The following ZNHIT6 variants were observed in gnomAD, a reference collection of about 807,000 sequenced individuals.
The protein encoded by ZNHIT6 is box C/D snoRNA protein 1.
In ZNHIT6, 45 loss-of-function variants were observed where a neutral mutation model predicts 57.2. The observed-to-expected ratio is 0.79, with a 90% CI of 0.62 to 1.01. The LOEUF is 1.01. ZNHIT6 is among the 50% of genes least tolerant of loss of function. The pLI is 0.00. For missense variants in ZNHIT6, 528 were observed against 567.3 expected, an observed-to-expected ratio of 0.93 and a Z score of 0.70; for synonymous variants, 188 against 190.0, an observed-to-expected ratio of 0.99 and a Z score of 0.09.
At position 85,652,279 on chromosome 1, in the gene ZNHIT6, T is replaced by C. The variant is rs1159896954; in HGVS notation, c.*1779A>G. 1 of 152,202 alleles carries C rather than the reference T, an allele frequency of 6.6e-6. No homozygotes were observed. The highest frequency in any genetic ancestry group is 1.5e-5 in the Non-Finnish European group (1 of 68,022). 9.4% of individuals were successfully genotyped at this position (152,202 alleles called of 1,614,324 possible). ...TTTGTATACGTTATCCCACTTCTCC[T>C]AATAACAACACGTTTCACTCAATTC... On this transcript the variant is annotated 3_prime_UTR_variant, in exon 10 of 10. Coordinates refer to ENST00000370574, the MANE Select transcript of ZNHIT6 (RefSeq NM_017953.4).
chr1:85,707,448 G>A (rs1361253723), intron 1 of ZNHIT6, among the ~76,000 whole-genome samples, 181 bp downstream of exon 1: 1 of 152,058 alleles, frequency 6.6e-6, no homozygotes, highest in Non-Finnish European at 1.5e-5. Context: ...AATTTGTTGT[G>A]TTGTCATGTA....
intron 1 of ZNHIT6, 95 bp from the exon 2 acceptor site, chr1:85,706,602 A>T: frequency 4.5e-6 from 5 of 1,116,096 alleles, no homozygotes; most frequent in Non-Finnish European, 6.1e-6. Flanking sequence ...CTCAGTGACA[A>T]GTAACTGATA....
chr1:85,659,526 A>G (rs1423738456), intron 8 of ZNHIT6, among the ~76,000 whole-genome samples: 1 of 152,226 alleles, frequency 6.6e-6, no homozygotes, highest in Non-Finnish European at 1.5e-5. Context: ...TCTCCTGCTC[A>G]AAAAAGCACA....
intron 8 of ZNHIT6, among the ~76,000 whole-genome samples, chr1:85,667,974 A>ATATATATATATATATT: frequency 9.1e-6 from 1 of 110,118 alleles, no homozygotes; most frequent in Non-Finnish European, 1.9e-5. Flanking sequence ...ATATATATAT[A>ATATATATATATATATT]TATATATATA....
Position 85,708,224 on chromosome 1 carries a change from C to G in ZNHIT6, c.61G>C (p.Gly21Arg), listed in dbSNP as rs1047141907. 9 of 1,613,494 alleles carry G rather than the reference C, an allele frequency of 5.6e-6. No homozygotes were observed. Among genetic ancestry groups the G allele is most frequent in the East Asian group, 2.2e-5 (1 of 44,870 alleles). ...CCAGGCTCTGGACTTAGCCGCACCC[C>G]CTCAGCTACGCTGTGGAGACCTCCC... Reference protein sequence around the residue: ...SGGGLHSVAEGVRLSPEPGRE... With the variant: ...SGGGLHSVAERVRLSPEPGRE... Residue 21 changes from glycine (G) to arginine (R), a missense_variant, in exon 1 of 10, where the codon GGG becomes CGG. Transcript: ENST00000370574.
At chr1:85,668,346 T>A (rs1661446816) in intron 8 of ZNHIT6, among the ~76,000 whole-genome samples, 1 of 152,132 alleles carries the variant, frequency 6.6e-6, no homozygotes, top group African/African-American at 2.4e-5. Flanking sequence ...TTTTCCCCCA[T>A]TTATCAACTT....
intron 8 of ZNHIT6, among the ~76,000 whole-genome samples, chr1:85,667,961 A>AAAAAAAAAAAAAATATATATAT: frequency 2.7e-4 from 5 of 18,204 alleles, no homozygotes; most frequent in East Asian, 1.7e-3. Flanking sequence ...AAAAAAAAAA[A>AAAAAAAAAAAAAATATATATAT]ATATATATAT....
chr1:85,676,457 G>A (rs958300998), intron 8 of ZNHIT6, among the ~76,000 whole-genome samples: 1 of 152,126 alleles, frequency 6.6e-6, no homozygotes, highest in Non-Finnish European at 1.5e-5. Flanking sequence ...TAACTAGCAG[G>A]AGAGGCCTAG....
chr1:85,697,646 T>C (rs1336157975), intron 5 of ZNHIT6, among the ~76,000 whole-genome samples: 1 of 152,206 alleles, frequency 6.6e-6, no homozygotes, highest in Non-Finnish European at 1.5e-5. Context: ...CTCATCATTC[T>C]TTTTTCAGAT....
At chr1:85,662,998 G>A (rs749128303) in intron 8 of ZNHIT6, among the ~76,000 whole-genome samples, 4 of 152,062 alleles carry the variant, frequency 2.6e-5, no homozygotes, top group Non-Finnish European at 5.9e-5. Context: ...GATTTTCGCT[G>A]GTAAATTCAA....
At position 85,708,423 on chromosome 1, in the gene ZNHIT6, T is replaced by C; in HGVS notation, c.-139A>G. ...CAGCCACAAACCCGGAATAGCCTGCTTGACGCGACTGCTCGAATCGCCGTA... is the reference window on the plus strand; with the variant it reads ...CAGCCACAAACCCGGAATAGCCTGCCTGACGCGACTGCTCGAATCGCCGTA... On this transcript the variant is annotated 5_prime_UTR_variant, in exon 1 of 10. Coordinates refer to ENST00000370574, the MANE Select transcript of ZNHIT6 (RefSeq NM_017953.4). The C allele has an allele frequency of 9.3e-7, 1 of 1,072,206 alleles. No homozygotes were observed. The highest frequency in any genetic ancestry group is 1.3e-6 in the Non-Finnish European group (1 of 761,770). The allele number at this position is 1,072,206 out of a possible 1,614,324, so 66.4% of individuals were successfully genotyped here. A position where few individuals can be genotyped will look rare whatever the true frequency, so the allele number is the denominator to read the frequency against.
intron 5 of ZNHIT6, among the ~76,000 whole-genome samples, chr1:85,684,127 G>A (rs1661958166): frequency 1.3e-5 from 2 of 152,080 alleles, no homozygotes; most frequent in Non-Finnish European, 1.5e-5. Context: ...GCATATCAAC[G>A]TTCTCAAAAA....
At chr1:85,697,105 C>T (rs1256587962) in intron 5 of ZNHIT6, among the ~76,000 whole-genome samples, 2 of 151,822 alleles carry the variant, frequency 1.3e-5, no homozygotes, top group African/African-American at 4.8e-5. Flanking sequence ...CTCCTGACCT[C>T]GTGATCCACC....
At chr1:85,693,796 C>T (rs1055617049) in intron 5 of ZNHIT6, among the ~76,000 whole-genome samples, 2 of 152,098 alleles carry the variant, frequency 1.3e-5, no homozygotes, top group African/African-American at 2.4e-5. Context: ...TAAATGTCAA[C>T]TTAAGATATT....
intron 5 of ZNHIT6, among the ~76,000 whole-genome samples, chr1:85,687,304 A>AAAAAAAAAAAAAAAAAAC (rs1557861153): frequency 2.1e-5 from 3 of 142,682 alleles, no homozygotes; most frequent in South Asian, 2.4e-4. Context: ...AAAAACAAAA[A>AAAAAAAAAAAAAAAAAAC]AAAAAAACAA....
rs750840471 is a variant in ZNHIT6, at chr1:85,708,299, T to G, written c.-15A>C. 6.3e-7 allele frequency: 1 copy of G among 1,578,838 alleles called. No individual in the cohort carries two copies. The highest frequency in any genetic ancestry group is 8.6e-7 in the Non-Finnish European group (1 of 1,161,470). ...GCAAACTCCATCAACTCACGATCCT[T>G]GGCCTCTGCTGCCACTCTATCCTTC... is the stretch of plus-strand genomic sequence containing the variant. On this transcript the variant is annotated 5_prime_UTR_variant, in exon 1 of 10. Coordinates refer to ENST00000370574, the MANE Select transcript of ZNHIT6 (RefSeq NM_017953.4).
At chr1:85,707,470 A>G (rs1662718171) in intron 1 of ZNHIT6, among the ~76,000 whole-genome samples, 159 bp downstream of exon 1, 1 of 151,990 alleles carries the variant, frequency 6.6e-6, no homozygotes, top group Non-Finnish European at 1.5e-5. Flanking sequence ...AACACCCTCC[A>G]CTTCCCAACC....
At position 85,652,046 on chromosome 1, in the gene ZNHIT6, G is replaced by A. The variant is rs1220186820; in HGVS notation, c.*2012C>T. 1.3e-5 allele frequency: 2 copies of A among 152,170 alleles called. No homozygotes were observed. Among genetic ancestry groups the A allele is most frequent in the African/African-American group, 4.8e-5 (2 of 41,454 alleles). The allele number at this position is 152,170 out of a possible 1,614,324, so 9.4% of individuals were successfully genotyped here. A position where few individuals can be genotyped will look rare whatever the true frequency, so the allele number is the denominator to read the frequency against. On this transcript the variant is annotated 3_prime_UTR_variant, in exon 10 of 10. Transcript: ENST00000370574. ...TCTAGAAAATAAAGATGGCAAAGAT[G>A]CATTAGATAATATAGATTTCTTTTT... is the stretch of plus-strand genomic sequence containing the variant.
At chr1:85,698,032 G>A (rs1662426721) in intron 5 of ZNHIT6, among the ~76,000 whole-genome samples, 1 of 152,118 alleles carries the variant, frequency 6.6e-6, no homozygotes, top group Non-Finnish European at 1.5e-5. Flanking sequence ...TCCAAAATAA[G>A]GAGGAGAGCC....
Sources: allele counts gnomAD v4.1 joint callset (sites outside exome capture counted in the v4.1 genomes callset), GRCh38; gene constraint gnomAD v4.1.1; transcripts MANE v1.5; gene names NCBI Gene and HGNC (gene_info 2026-07-23, HGNC 2026-07-21).